The following ADAMTS3 variants were observed in gnomAD, a reference collection of about 807,000 sequenced individuals.
ADAMTS3 encodes A disintegrin and metalloproteinase with thrombospondin motifs 3.
Under a neutral mutation model 129.0 loss-of-function variants are expected in ADAMTS3, and 73 were observed. The observed-to-expected ratio is 0.57, with a 90% CI of 0.47 to 0.69. The LOEUF is 0.69. ADAMTS3 is among the 30% of genes least tolerant of loss of function. The probability of loss-of-function intolerance (pLI) is 0.00; values close to 1 mark genes in which losing one functional copy is unlikely to be tolerated. For synonymous variants in ADAMTS3, 477 were observed against 510.8 expected (o/e 0.93, Z 0.89); for missense variants, 1,457 against 1,514.5 (o/e 0.96, Z 0.63).
At chr4:72,381,218 G>A (rs55666523) in intron 4 of ADAMTS3, among the ~76,000 whole-genome samples, 3,740 of 152,204 alleles carry the variant, frequency 0.025, 156 homozygotes, top group African/African-American at 0.086. Context: ...AAACCTATGT[G>A]CATTTAATAG....
chr4:72,343,746 T>C lies in ADAMTS3; in HGVS notation c.662-4053A>G, dbSNP rs570917684. Among the ~76,000 whole-genome samples, 5 of 152,242 alleles carry C rather than the reference T, an allele frequency of 3.3e-5. No individual in the cohort carries two copies. In the South Asian group the frequency reaches 8.3e-4, roughly 25 times the overall value. On this transcript the variant is annotated intron_variant, in intron 4 of 21. Coordinates refer to ENST00000286657, the MANE Select transcript of ADAMTS3 (RefSeq NM_014243.3). ...GCTTTCTAACAGGTGTGTTCTCAACTGATCATTCAAAAGGAAAAAAAAGGC... is the reference window on the plus strand; with the variant it reads ...GCTTTCTAACAGGTGTGTTCTCAACCGATCATTCAAAAGGAAAAAAAAGGC...
intron 3 of ADAMTS3, among the ~76,000 whole-genome samples, chr4:72,456,253 A>AAG (rs1560522693): frequency 5.0e-5 from 7 of 139,310 alleles, no homozygotes; most frequent in Non-Finnish European, 1.1e-4. Context: ...TATATATAGT[A>AAG]TATATACTGT....
intron 13 of ADAMTS3, among the ~76,000 whole-genome samples, chr4:72,311,944 T>C (rs1230087967): frequency 6.6e-6 from 1 of 152,146 alleles, no homozygotes; most frequent in East Asian, 1.9e-4. Flanking sequence ...ACTATATTTT[T>C]CTCTAGTTCA....
intron 3 of ADAMTS3, among the ~76,000 whole-genome samples, chr4:72,416,980 C>A (rs555490863): frequency 6.6e-6 from 1 of 152,100 alleles, no homozygotes; most frequent in Non-Finnish European, 1.5e-5. Flanking sequence ...AAGCGTGAAC[C>A]GGCTTTATCC....
chr4:72,425,099 T>A (rs1395700308), intron 3 of ADAMTS3, among the ~76,000 whole-genome samples: 1 of 152,162 alleles, frequency 6.6e-6, no homozygotes, highest in Non-Finnish European at 1.5e-5. Flanking sequence ...TTCCAGAAAT[T>A]TGTGAATTAT....
At chr4:72,366,189 C>T (rs1560488199) in intron 4 of ADAMTS3, among the ~76,000 whole-genome samples, 1 of 152,182 alleles carries the variant, frequency 6.6e-6, no homozygotes, top group Non-Finnish European at 1.5e-5. Flanking sequence ...AAATAGCTCA[C>T]ATGTCTTGGC....
intron 3 of ADAMTS3, among the ~76,000 whole-genome samples, chr4:72,418,804 T>C (rs1722373221): frequency 6.6e-6 from 1 of 152,226 alleles, no homozygotes; most frequent in African/African-American, 2.4e-5. Flanking sequence ...TTGCTTCCCA[T>C]TGCACTTAAA....
intron 4 of ADAMTS3, among the ~76,000 whole-genome samples, chr4:72,366,117 C>T (rs1177911820): frequency 6.6e-6 from 1 of 152,098 alleles, no homozygotes; most frequent in Non-Finnish European, 1.5e-5. Context: ...TCTTCAAGGG[C>T]ACAGTATTCA....
chr4:72,302,305 A>T (rs538887278), intron 17 of ADAMTS3, among the ~76,000 whole-genome samples: 323 of 2,096 alleles, frequency 0.15, 5 homozygotes, highest in East Asian at 0.51. Flanking sequence ...AATGGAAATA[A>T]AAAAAAAAAA....
intron 4 of ADAMTS3, among the ~76,000 whole-genome samples, chr4:72,372,665 T>C (rs1196519804): frequency 5.3e-5 from 8 of 152,052 alleles, no homozygotes; most frequent in African/African-American, 1.9e-4. Flanking sequence ...ATTTGCTTTT[T>C]ATATGCTAGA....
chr4:72,408,755 G>C (rs897182109), intron 4 of ADAMTS3, among the ~76,000 whole-genome samples: 1 of 150,034 alleles, frequency 6.7e-6, no homozygotes, highest in Non-Finnish European at 1.5e-5. Flanking sequence ...GGAATACTAT[G>C]CAGCCATAAA....
At chr4:72,538,948 A>G (rs576448364) in intron 3 of ADAMTS3, among the ~76,000 whole-genome samples, 5 of 152,172 alleles carry the variant, frequency 3.3e-5, no homozygotes, top group Non-Finnish European at 7.4e-5. Flanking sequence ...AGCTTGGAAA[A>G]CTTGATATCC....
At chr4:72,318,750 A>G in intron 9 of ADAMTS3, 46 bp from the exon 10 acceptor site, 1 of 1,580,568 alleles carries the variant, frequency 6.3e-7, no homozygotes, top group Non-Finnish European at 8.6e-7. Flanking sequence ...TCACTTAAAA[A>G]AATCATGTCC....
intron 4 of ADAMTS3, among the ~76,000 whole-genome samples, chr4:72,355,744 A>G (rs930388349): frequency 6.6e-6 from 1 of 152,034 alleles, no homozygotes; most frequent in African/African-American, 2.4e-5. Flanking sequence ...AGCCAGCAGA[A>G]CTGTGAGAAA....
At chr4:72,400,903 C>G (rs891173102) in intron 4 of ADAMTS3, among the ~76,000 whole-genome samples, 25 of 148,434 alleles carry the variant, frequency 1.7e-4, no homozygotes, top group Non-Finnish European at 2.8e-4. Context: ...ATTGGACATA[C>G]ATATATTGGA....
Position 72,319,983 on chromosome 4 carries a change from C to G in ADAMTS3, c.1103-20G>C. On this transcript the variant is annotated intron_variant, in intron 7 of 21. Coordinates refer to ENST00000286657, the MANE Select transcript of ADAMTS3 (RefSeq NM_014243.3). ...CATATCCTGTAGAGAATAACAATTA[C>G]TTTTATTTTCATTTTATGAGAAAAC... 2.5e-6 allele frequency: 4 copies of G among 1,588,418 alleles called. No homozygotes were observed. Among genetic ancestry groups the G allele is most frequent in the Non-Finnish European group, 3.5e-6 (4 of 1,157,956 alleles).
intron 17 of ADAMTS3, among the ~76,000 whole-genome samples, chr4:72,302,733 C>T (rs1191959090): frequency 1.3e-5 from 2 of 151,880 alleles, no homozygotes; most frequent in Admixed American, 1.3e-4. Flanking sequence ...ACCAACAAGA[C>T]AAAACAAAAA....
chr4:72,507,223 C>T (rs1193853221), intron 3 of ADAMTS3, among the ~76,000 whole-genome samples: 3 of 152,120 alleles, frequency 2.0e-5, no homozygotes, highest in East Asian at 1.9e-4. Flanking sequence ...GTGGCAGGTC[C>T]ATTATATATG....
intron 4 of ADAMTS3, among the ~76,000 whole-genome samples, chr4:72,411,577 A>ATC (rs887959921): frequency 6.6e-6 from 1 of 151,952 alleles, no homozygotes; most frequent in Non-Finnish European, 1.5e-5. Flanking sequence ...TCTCAAGCTA[A>ATC]TCTCTACCCA....
Sources: allele counts gnomAD v4.1 joint callset (sites outside exome capture counted in the v4.1 genomes callset), GRCh38; gene constraint gnomAD v4.1.1; transcripts MANE v1.5; gene names NCBI Gene and HGNC (gene_info 2026-07-23, HGNC 2026-07-21).